The following ASZ1 variants were observed in gnomAD, a reference collection of about 807,000 sequenced individuals.
The protein encoded by ASZ1 is ankyrin repeat, SAM and basic leucine zipper domain-containing protein 1.
A neutral mutation model predicts 61.8 loss-of-function variants in ASZ1; 67 were observed. The observed-to-expected ratio is 1.08, with a 90% CI of 0.89 to 1.33. ASZ1 has a LOEUF of 1.33. Ranked by LOEUF, ASZ1 falls within the 40% of genes most tolerant of loss-of-function variation. ASZ1 has a pLI of 0.00. For missense variants in ASZ1, 577 were observed against 554.5 expected (o/e 1.04, Z -0.41); for synonymous variants, 193 against 192.7 (o/e 1.00, Z -0.01).
At chr7:117,395,992 A>G (rs78626385) in intron 4 of ASZ1, among the ~76,000 whole-genome samples, 3,469 of 152,292 alleles carry the variant, frequency 0.023, 127 homozygotes, top group African/African-American at 0.079. Context: ...AAACTTAAGA[A>G]GTCTGCCAAC....
At chr7:117,380,709 G>A (rs1796233601) in intron 9 of ASZ1, among the ~76,000 whole-genome samples, 1 of 151,530 alleles carries the variant, frequency 6.6e-6, no homozygotes, top group Non-Finnish European at 1.5e-5. Flanking sequence ...TCTCTTATTT[G>A]TAAGTGCCCC....
At position 117,384,682 on chromosome 7, in the gene ASZ1, G is replaced by A. The variant is rs369052895; in HGVS notation, c.687+44C>T. The A allele has an allele frequency of 9.7e-6, 15 of 1,551,438 alleles. No homozygotes were observed. The African/African-American group carries it at 2.0e-4, about 20-fold the overall frequency. On this transcript the variant is annotated intron_variant, in intron 6 of 12. Transcript: ENST00000284629. ...ATACAAAAGTTCTACAAATGATAATGTGATATGCCACAGAAAATAAGTTTA... is the reference window on the plus strand; with the variant it reads ...ATACAAAAGTTCTACAAATGATAATATGATATGCCACAGAAAATAAGTTTA...
At position 117,427,362 on chromosome 7, in the gene ASZ1, C is replaced by A. The variant is rs201373907; in HGVS notation, c.99G>T (p.Thr33=). 4.0e-4 allele frequency: 643 copies of A among 1,614,084 alleles called. 1 individual carries two copies. Among genetic ancestry groups the A allele is most frequent in the Admixed American group, 7.2e-4 (43 of 60,012 alleles). Residue 33 remains threonine, a synonymous_variant, in exon 1 of 13, where the codon ACG becomes ACT. Coordinates refer to ENST00000284629, the MANE Select transcript of ASZ1 (RefSeq NM_130768.3). ...DGWEIGYLDR[T]SQKLKRLLPI... ...ACAAGGCCTCCTCCGCTACCTGAGA[C>A]GTCCGGTCGAGATACCCAATCTCCC...
intron 2 of ASZ1, among the ~76,000 whole-genome samples, chr7:117,425,915 C>T (rs190820295): frequency 4.3e-4 from 66 of 152,062 alleles, no homozygotes; most frequent in African/African-American, 1.4e-3. Context: ...ACTTGAATCC[C>T]GGCCCCCAGA....
rs374127734 is a variant in ASZ1 at position 117,368,667 on chromosome 7, T to C, written c.1106A>G (p.His369Arg). 1.2e-6 allele frequency: 2 copies of C among 1,612,972 alleles called. No individual in the cohort carries two copies. Among genetic ancestry groups the C allele is most frequent in the African/African-American group, 1.3e-5 (1 of 75,006 alleles). Reference protein sequence around the residue: ...FLLKLNKQCGHLITAVQNVIT... With the variant: ...FLLKLNKQCGRLITAVQNVIT... ...AACATTCTGTACAGCTGTTATTAAA[T>C]GGCCACACTGTTTATTTAATTTGAG... The change falls in exon 11 of 13, where the codon CAT becomes CGT. Residue 369 changes from histidine (H) to arginine (R), a missense_variant. Transcript: ENST00000284629.
At chr7:117,368,556 C>A in intron 11 of ASZ1, 56 bp downstream of exon 11, 2 of 1,576,672 alleles carry the variant, frequency 1.3e-6, no homozygotes, top group Non-Finnish European at 1.7e-6. Flanking sequence ...ATGAACTTAT[C>A]TGGAATGTTC....
Position 117,383,070 on chromosome 7 carries a change from C to A in ASZ1, c.728G>T (p.Gly243Val). 6.3e-7 allele frequency: 1 copy of A among 1,580,454 alleles called. No homozygotes were observed. The highest frequency in any genetic ancestry group is 1.4e-5 in the African/African-American group (1 of 73,234). The change falls in exon 7 of 13, where the codon GGA (glycine) becomes GTA (valine). Residue 243 changes from glycine (G) to valine (V), a missense_variant. Transcript: ENST00000284629. The stretch of plus-strand genomic sequence containing the variant: ...TTCTTTAGTTAGCTGTTGAAGTTTT[C>A]CTTCCAATGGATTTAAAGTAAAAGA... ...LLSFTLNPLE[G>V]KLQQLTKEDT... is the part of the protein sequence containing the mutation.
chr7:117,401,828 C>T lies in ASZ1; in HGVS notation c.441-16019G>A, dbSNP rs139149555. On this transcript the variant is annotated intron_variant, in intron 4 of 12. Transcript: ENST00000284629. ...AGTGAATCTTCGGGTTGGCCACTCC[C>T]GGATTCCTTAGCTTGGAAGCTCGAA... 2.7e-3 allele frequency among the ~76,000 whole-genome samples: 405 copies of T among 152,194 alleles called. 1 individual carries two copies. Among genetic ancestry groups the T allele is most frequent in the African/African-American group, 9.2e-3 (381 of 41,540 alleles).
chr7:117,411,231 A>G (rs1796883399), intron 4 of ASZ1, among the ~76,000 whole-genome samples: 1 of 151,784 alleles, frequency 6.6e-6, no homozygotes, highest in African/African-American at 2.4e-5. Context: ...TATGTCTTAA[A>G]TATGCAAGAT....
chr7:117,422,683 A>G (rs769272545), intron 2 of ASZ1, among the ~76,000 whole-genome samples: 2 of 152,178 alleles, frequency 1.3e-5, no homozygotes, highest in Non-Finnish European at 2.9e-5. Flanking sequence ...GGTTTCACAG[A>G]GGTAAAATGT....
intron 4 of ASZ1, among the ~76,000 whole-genome samples, chr7:117,407,128 T>C (rs1796799530): frequency 6.6e-6 from 1 of 151,954 alleles, no homozygotes; most frequent in African/African-American, 2.4e-5. Context: ...TCAATCAATC[T>C]GGATTAAAAA....
chr7:117,385,821 GAAGA>G lies in ASZ1; in HGVS notation c.441-16_441-13del. 2 of 1,579,888 alleles carry G rather than the reference GAAGA, an allele frequency of 1.3e-6. No homozygotes were observed. Among genetic ancestry groups the G allele is most frequent in the East Asian group, 2.2e-5 (1 of 44,638 alleles). On this transcript the variant is annotated splice_polypyrimidine_tract_variant and intron_variant, in intron 4 of 12. Transcript: ENST00000284629. ...GGGTCATAAGTCTCCTAAGGAGGAG[GAAGA>G]AAGGAAACATTTGTGTTAATGCTGC...
chr7:117,426,488 CAAAAAAAAAAA>C (rs10625452), intron 2 of ASZ1, among the ~76,000 whole-genome samples: 5 of 34,016 alleles, frequency 1.5e-4, no homozygotes, highest in African/African-American at 3.9e-4. Context: ...GATAACATCT[CAAAAAAAAAAA>C]AAAAAAAAAA....
rs779045591 is a variant in ASZ1 at position 117,422,276 on chromosome 7, C to T, written c.289G>A (p.Val97Ile). Residue 97 changes from valine to isoleucine, a missense_variant, in exon 3 of 13, where the codon GTC becomes ATC. Transcript: ENST00000284629. ...ASVANAELVR[V>I]LLDRGANASF... ...GCATTAGCACCTCTGTCCAAAAGGA[C>T]CCGAACCAGCTCTGCATTGGCAACA... The T allele has an allele frequency of 6.2e-7, 1 of 1,613,868 alleles. No individual in the cohort carries two copies. The highest frequency in any genetic ancestry group is 1.7e-5 in the Admixed American group (1 of 59,982).
chr7:117,395,076 TGGTCTATGGCAAA>T (rs145914653), intron 4 of ASZ1, among the ~76,000 whole-genome samples: 5,001 of 152,328 alleles, frequency 0.033, 100 homozygotes, highest in East Asian at 0.067. Context: ...ACCTACCTTC[TGGTCTATGGCAAA>T]GGCCTCCAAA....
At chr7:117,418,008 A>G (rs1797027928) in intron 4 of ASZ1, among the ~76,000 whole-genome samples, 1 of 152,182 alleles carries the variant, frequency 6.6e-6, no homozygotes, top group African/African-American at 2.4e-5. Context: ...TTCCCAATAC[A>G]TCTTATGTAC....
intron 8 of ASZ1, among the ~76,000 whole-genome samples, chr7:117,381,524 A>G (rs1454788674): frequency 6.6e-6 from 1 of 152,218 alleles, no homozygotes; most frequent in African/African-American, 2.4e-5. Context: ...GTCTATCTTA[A>G]ATAGTGCTTT....
intron 4 of ASZ1, among the ~76,000 whole-genome samples, chr7:117,409,364 G>A (rs944803955): frequency 1.3e-5 from 2 of 151,838 alleles, no homozygotes; most frequent in Non-Finnish European, 1.5e-5. Context: ...ATAGTTAAAA[G>A]TTAAACATAT....
Position 117,422,355 on chromosome 7 carries a change from A to T in ASZ1, c.210T>A (p.Ile70=). 6.2e-7 allele frequency: 1 copy of T among 1,607,728 alleles called. No homozygotes were observed. Residue 70 remains isoleucine, a synonymous_variant, in exon 3 of 13, where the codon ATT becomes ATA. Transcript: ENST00000284629. ...SLVQELLDSG[I]SVDSNFQYGW... is the part of the protein sequence containing the mutation. ...CATACTGAAAGTTGGAATCTACACT[A>T]ATGCCTGTCAATATAAAAACAAGCT...
Sources: gnomAD v4.1 joint callset for allele counts (sites outside exome capture counted in the v4.1 genomes callset) on GRCh38, gnomAD v4.1.1 for gene constraint, MANE v1.5 for transcripts, NCBI Gene and HGNC (gene_info 2026-07-23, HGNC 2026-07-21) for gene names.